The following ZNF592 variants were observed in gnomAD, a reference collection of about 807,000 sequenced individuals.
ZNF592 encodes the protein zinc finger protein 592.
Under a neutral mutation model 80.3 loss-of-function variants are expected in ZNF592, and 11 were observed. That is an observed-to-expected ratio of 0.14 (90% confidence interval 0.09 to 0.23). ZNF592 has a LOEUF of 0.23. ZNF592 is among the 10% of genes least tolerant of loss of function. The pLI is 1.00. For synonymous variants in ZNF592, 646 were observed against 640.3 expected, an observed-to-expected ratio of 1.01 and a Z score of -0.13; for missense variants, 1,420 against 1,633.9, an observed-to-expected ratio of 0.87 and a Z score of 2.26.
chr15:84,783,593 C>T lies in ZNF592; in HGVS notation c.918C>T (p.Gly306=), dbSNP rs768695960. The part of the protein sequence containing the change: ...VASVTKEDQP[G]HTKDLSGPTK... Reference sequence around the variant, plus strand: ...GTGTCACTAAGGAGGATCAGCCTGGCCACACAAAGGATCTCTCAGGGCCCA... The same window carrying T: ...GTGTCACTAAGGAGGATCAGCCTGGTCACACAAAGGATCTCTCAGGGCCCA... Residue 306 remains glycine (G), a synonymous_variant, in exon 4 of 11, where the codon GGC becomes GGT. Coordinates refer to ENST00000560079, the MANE Select transcript of ZNF592 (RefSeq NM_014630.3). The surrounding 1 kb of genome is among the most constrained non-coding windows in gnomAD (Gnocchi z 5.0). The T allele has an allele frequency of 6.2e-7, 1 of 1,614,186 alleles. No individual in the cohort carries two copies. The highest frequency in any genetic ancestry group is 1.7e-5 in the Admixed American group (1 of 60,038).
At chr15:84,797,466 C>T (rs571071453) in intron 5 of ZNF592, among the ~76,000 whole-genome samples, 9 of 152,342 alleles carry the variant, frequency 5.9e-5, no homozygotes, top group African/African-American at 1.2e-4. Flanking sequence ...CAGCCTCCTT[C>T]GGAAATTCTT....
chr15:84,786,551 G>T (rs1184405847), intron 4 of ZNF592, among the ~76,000 whole-genome samples: 1 of 152,154 alleles, frequency 6.6e-6, no homozygotes, highest in East Asian at 1.9e-4. Flanking sequence ...GGCCTGTAGG[G>T]CTTCTGCAGA....
Position 84,794,699 on chromosome 15 carries a change from A to G in ZNF592, c.2400-3170A>G, listed in dbSNP as rs373729627. ...ACCATTTTGGTCAGGCTGGTCTTGA[A>G]CTCCTGACCTCAGGTGATCCACCGA... is the stretch of plus-strand genomic sequence containing the variant. On this transcript the variant is annotated intron_variant, in intron 5 of 10. Coordinates refer to ENST00000560079, the MANE Select transcript of ZNF592 (RefSeq NM_014630.3). Among the ~76,000 whole-genome samples, 10 of 150,526 alleles carry G rather than the reference A, an allele frequency of 6.6e-5. No individual in the cohort carries two copies. The South Asian group carries it at 1.1e-3, about 16-fold the overall frequency.
chr15:84,795,856 T>G (rs1338146404), intron 5 of ZNF592, among the ~76,000 whole-genome samples: 1 of 152,046 alleles, frequency 6.6e-6, no homozygotes, highest in African/African-American at 2.4e-5. Flanking sequence ...GCTAATTAAA[T>G]TTTCGAAGGT....
At position 84,784,892 on chromosome 15, in the gene ZNF592, G is replaced by A. The variant is rs767729667; in HGVS notation, c.2217G>A (p.Gly739=). The A allele has an allele frequency of 4.3e-6, 7 of 1,614,132 alleles. No homozygotes were observed. The highest frequency in any genetic ancestry group is 5.9e-6 in the Non-Finnish European group (7 of 1,180,008). Residue 739 remains glycine (G), a synonymous_variant, in exon 4 of 11, where the codon GGG becomes GGA. Coordinates refer to ENST00000560079, the MANE Select transcript of ZNF592 (RefSeq NM_014630.3). This position sits in a 1 kb window ranked among gnomAD's most constrained non-coding sequence, Gnocchi z 5.8. The part of the protein sequence containing the change: ...HFQRTTEETE[G]LTCQVCQMLL... The stretch of plus-strand genomic sequence containing the variant: ...AGAGGACAACAGAGGAGACAGAGGG[G>A]CTGGTAAGCAGACCCTCACTGTTAC...
chr15:84,801,714 T>G, intron 10 of ZNF592, 149 bp from the exon 11 acceptor site: 1 of 1,143,320 alleles, frequency 8.7e-7, no homozygotes, highest in Non-Finnish European at 1.3e-6. Context: ...AACAAAGAAT[T>G]GAAACAAACC....
chr15:84,796,562 A>G (rs796091001), intron 5 of ZNF592, among the ~76,000 whole-genome samples: 1 of 152,144 alleles, frequency 6.6e-6, no homozygotes, highest in African/African-American at 2.4e-5. Flanking sequence ...GCAGGTTGGC[A>G]TGGAGGAAGG....
At chr15:84,794,461 A>G (rs1208586301) in intron 5 of ZNF592, among the ~76,000 whole-genome samples, 3 of 150,262 alleles carry the variant, frequency 2.0e-5, no homozygotes. Context: ...GGTGTTGATC[A>G]TGTGCTTATT....
Position 84,784,944 on chromosome 15 carries a change from G to A in ZNF592, c.2220+49G>A. ...GGTATCGGGCCCCTGGCTCACACAG[G>A]TTCCATGACTGGGCATGGAGAGGAA... On this transcript the variant is annotated intron_variant, in intron 4 of 10. Coordinates refer to ENST00000560079, the MANE Select transcript of ZNF592 (RefSeq NM_014630.3). The surrounding 1 kb of genome is among the most constrained non-coding windows in gnomAD (Gnocchi z 5.8). 1 of 1,606,362 alleles carries A rather than the reference G, an allele frequency of 6.2e-7. No individual in the cohort carries two copies. Among genetic ancestry groups the A allele is most frequent in the Non-Finnish European group, 8.5e-7 (1 of 1,173,570 alleles).
intron 1 of ZNF592, among the ~76,000 whole-genome samples, chr15:84,756,741 AT>A (rs1381261097): frequency 6.6e-6 from 1 of 152,140 alleles, no homozygotes; most frequent in African/African-American, 2.4e-5. Context: ...TATTATATAT[AT>A]TTTTTAAGAG....
intron 5 of ZNF592, among the ~76,000 whole-genome samples, chr15:84,794,388 G>A (rs1317373290): frequency 1.3e-5 from 2 of 151,976 alleles, no homozygotes; most frequent in African/African-American, 4.8e-5. Flanking sequence ...ACTTGTTATT[G>A]TCTTTTTGAT....
In ZNF592 at chr15:84,770,693, T is replaced by TA. The variant is rs139229313; in HGVS notation, c.-150+5888dup. On this transcript the variant is annotated intron_variant, in intron 2 of 10. Transcript: ENST00000560079. ...TGCAGTGGAATCACCTGGGAAGCTT[T>TA]AAAAAAAAAACAACCAAAAAGCAGG... 4.7e-3 allele frequency among the ~76,000 whole-genome samples: 702 copies of TA among 147,956 alleles called. 1 individual carries two copies. The highest frequency in any genetic ancestry group is 0.011 in the South Asian group (49 of 4,640).
At chr15:84,791,650 C>T (rs1369003912) in intron 5 of ZNF592, among the ~76,000 whole-genome samples, 3 of 152,094 alleles carry the variant, frequency 2.0e-5, no homozygotes, top group African/African-American at 7.2e-5. Context: ...GATTAAGACA[C>T]AGCCCTTGCC....
intron 1 of ZNF592, among the ~76,000 whole-genome samples, chr15:84,751,764 G>A (rs1458738330): frequency 6.6e-6 from 1 of 152,002 alleles, no homozygotes; most frequent in Non-Finnish European, 1.5e-5. Context: ...AATTAGCTGG[G>A]CATGGTGGCA....
At chr15:84,785,069 G>T (rs915636521) in intron 4 of ZNF592, among the ~76,000 whole-genome samples, 174 bp downstream of exon 4, 1 of 152,176 alleles carries the variant, frequency 6.6e-6, no homozygotes, top group Admixed American at 6.5e-5. Flanking sequence ...AAGGTGTCCT[G>T]CCCATACTGA....
chr15:84,791,123 G>A (rs1962735451), intron 5 of ZNF592, among the ~76,000 whole-genome samples: 1 of 152,194 alleles, frequency 6.6e-6, no homozygotes, highest in Non-Finnish European at 1.5e-5. Context: ...TGAAGTTTTG[G>A]GGAGATTAGA....
intron 3 of ZNF592, among the ~76,000 whole-genome samples, chr15:84,780,507 CTT>C (rs1962389812): frequency 6.6e-6 from 1 of 152,152 alleles, no homozygotes; most frequent in African/African-American, 2.4e-5. Context: ...CTGTTCAAAA[CTT>C]TGTATCTCAT....
chr15:84,784,080 G>A lies in ZNF592; in HGVS notation c.1405G>A (p.Val469Ile), dbSNP rs145597062. The A allele has an allele frequency of 1.2e-6, 2 of 1,613,896 alleles. No individual in the cohort carries two copies. Among genetic ancestry groups the A allele is most frequent in the African/African-American group, 1.3e-5 (1 of 74,940 alleles). ...TCCCAGCTGCAGTTCTGGGCCCCGGGTCCCAAAGGGGGCTGCCCCAGGCTC... is the reference window on the plus strand; with the variant it reads ...TCCCAGCTGCAGTTCTGGGCCCCGGATCCCAAAGGGGGCTGCCCCAGGCTC... The part of the protein sequence containing the change: ...SSPSCSSGPR[V>I]PKGAAPGSQT... The change falls in exon 4 of 11, where the codon GTC becomes ATC. Residue 469 changes from valine to isoleucine, a missense_variant. Physicochemically the swap from Val to Ile is conservative, Grantham distance 29. Coordinates refer to ENST00000560079, the MANE Select transcript of ZNF592 (RefSeq NM_014630.3). This position sits in a 1 kb window ranked among gnomAD's most constrained non-coding sequence, Gnocchi z 5.8.
intron 5 of ZNF592, among the ~76,000 whole-genome samples, chr15:84,794,273 T>A (rs1962830410): frequency 6.6e-6 from 1 of 152,192 alleles, no homozygotes; most frequent in Non-Finnish European, 1.5e-5. Flanking sequence ...TAACTCTGAT[T>A]AACTTTTTGA....
Sources: allele counts gnomAD v4.1 joint callset (sites outside exome capture counted in the v4.1 genomes callset), GRCh38; gene constraint gnomAD v4.1.1; non-coding constraint Gnocchi (gnomAD v3.1); transcripts MANE v1.5; gene names NCBI Gene and HGNC (gene_info 2026-07-23, HGNC 2026-07-21).